PTPRD: variants seen among roughly 807,000 people sequenced by gnomAD.
PTPRD encodes the protein receptor-type tyrosine-protein phosphatase delta.
A neutral mutation model predicts 214.5 loss-of-function variants in PTPRD; 34 were observed. The observed-to-expected ratio is 0.16, with a 90% CI of 0.12 to 0.21. The LOEUF (loss-of-function observed/expected upper bound fraction) is 0.21, where lower values mean the gene tolerates loss of function less well. Ranked by LOEUF, PTPRD falls within the 10% of genes least tolerant of loss-of-function variation. The probability of loss-of-function intolerance (pLI) is 1.00; values close to 1 mark genes in which losing one functional copy is unlikely to be tolerated. For missense variants in PTPRD, 2,545 were observed against 2,398.7 expected (o/e 1.06, Z -1.27); for synonymous variants, 1,128 against 845.7 (o/e 1.33, Z -5.79).
chr9:8,738,363 T>A (rs1295733983), intron 11 of PTPRD, among the ~76,000 whole-genome samples: 2 of 149,296 alleles, frequency 1.3e-5, no homozygotes, highest in African/African-American at 5.2e-5. Context: ...GGATTTGTAC[T>A]ATTTTTTCAG....
intron 7 of PTPRD, among the ~76,000 whole-genome samples, chr9:9,708,766 T>C (rs1564672430): frequency 6.6e-6 from 1 of 152,046 alleles, no homozygotes; most frequent in African/African-American, 2.4e-5. Context: ...ACTTGCATAA[T>C]ACCTGGAGTT....
At chr9:9,923,444 A>C (rs1415354778) in intron 5 of PTPRD, among the ~76,000 whole-genome samples, 2 of 151,360 alleles carry the variant, frequency 1.3e-5, no homozygotes, top group Non-Finnish European at 2.9e-5. Flanking sequence ...TGATAAGACT[A>C]AATTATCAAT....
chr9:8,373,919 TACCTAC>T (rs1564369847), intron 39 of PTPRD, among the ~76,000 whole-genome samples: 11,491 of 115,892 alleles, frequency 0.099, 583 homozygotes, highest in African/African-American at 0.17. Flanking sequence ...TCTATCTACC[TACCTAC>T]CTATCTCAGT....
chr9:9,593,725 T>A (rs538808735), intron 7 of PTPRD, among the ~76,000 whole-genome samples: 1 of 151,974 alleles, frequency 6.6e-6, no homozygotes, highest in African/African-American at 2.4e-5. Context: ...AGGAACACAA[T>A]GAAGGTCACT....
intron 2 of PTPRD, among the ~76,000 whole-genome samples, chr9:10,492,348 A>AT (rs995085635): frequency 1.3e-5 from 2 of 151,698 alleles, no homozygotes; most frequent in Non-Finnish European, 2.9e-5. Flanking sequence ...AAGTGTTCCT[A>AT]TTTTTTCACA....
intron 8 of PTPRD, among the ~76,000 whole-genome samples, chr9:9,447,270 G>T (rs548910583): frequency 6.6e-6 from 1 of 152,138 alleles, no homozygotes; most frequent in Admixed American, 6.5e-5. Flanking sequence ...CAACCTAAAT[G>T]TCCAGCAATG....
chr9:8,402,935 A>G (rs1039549272), intron 36 of PTPRD, among the ~76,000 whole-genome samples: 2 of 152,148 alleles, frequency 1.3e-5, no homozygotes, highest in African/African-American at 4.8e-5. Context: ...AAGGGATTAT[A>G]GTATTTTCCA....
At chr9:8,731,334 A>G (rs1267254485) in intron 12 of PTPRD, among the ~76,000 whole-genome samples, 1 of 152,208 alleles carries the variant, frequency 6.6e-6, no homozygotes, top group South Asian at 2.1e-4. Context: ...GAGTTCTAAA[A>G]TGACTCTGAC....
At chr9:9,475,120 C>T in intron 8 of PTPRD, among the ~76,000 whole-genome samples, 1 of 152,302 alleles carries the variant, frequency 6.6e-6, no homozygotes, top group East Asian at 1.9e-4. Flanking sequence ...GGCAATGGTT[C>T]TCTTAACATA....
intron 9 of PTPRD, among the ~76,000 whole-genome samples, chr9:9,303,216 A>AT (rs1956067060): frequency 6.6e-6 from 1 of 151,988 alleles, no homozygotes; most frequent in Non-Finnish European, 1.5e-5. Flanking sequence ...CCATTATCCT[A>AT]TTTTTATACA....
intron 11 of PTPRD, among the ~76,000 whole-genome samples, chr9:8,744,872 G>A (rs1364480981): frequency 6.6e-6 from 1 of 152,296 alleles, no homozygotes; most frequent in South Asian, 2.1e-4. Context: ...ATCTCTCTAA[G>A]ATACTATTAA....
chr9:9,392,543 T>C (rs2066237708), intron 9 of PTPRD, among the ~76,000 whole-genome samples: 1 of 152,178 alleles, frequency 6.6e-6, no homozygotes, highest in Non-Finnish European at 1.5e-5. Flanking sequence ...GGATCCTATG[T>C]TAGGTCAAGA....
intron 3 of PTPRD, among the ~76,000 whole-genome samples, chr9:10,286,890 T>C (rs1333483280): frequency 6.6e-6 from 1 of 152,166 alleles, no homozygotes; most frequent in East Asian, 1.9e-4. Context: ...TAACCCACCG[T>C]GCACAGCCTA....
At chr9:9,684,209 T>C (rs2097128209) in intron 7 of PTPRD, among the ~76,000 whole-genome samples, 1 of 151,718 alleles carries the variant, frequency 6.6e-6, no homozygotes, top group Non-Finnish European at 1.5e-5. Flanking sequence ...CAAGGAATCA[T>C]GTTTTATTTC....
intron 35 of PTPRD, among the ~76,000 whole-genome samples, chr9:8,410,552 T>C (rs997728934): frequency 6.6e-6 from 1 of 152,124 alleles, no homozygotes; most frequent in South Asian, 2.1e-4. Context: ...GTGTGAAGGA[T>C]TGAAATAAAG....
intron 12 of PTPRD, chr9:8,713,347 G>C (rs1214465599): frequency 4.1e-6 from 4 of 972,796 alleles, no homozygotes; most frequent in Non-Finnish European, 4.8e-6. Flanking sequence ...GTACAAAGTA[G>C]TGGGTCGCCG....
At chr9:9,112,162 CCT>C (rs1405890734) in intron 10 of PTPRD, among the ~76,000 whole-genome samples, 1 of 152,178 alleles carries the variant, frequency 6.6e-6, no homozygotes, top group Non-Finnish European at 1.5e-5. Context: ...TGGCACTGAT[CCT>C]TTTTGGCATG....
At chr9:9,317,902 T>C (rs1181205299) in intron 9 of PTPRD, among the ~76,000 whole-genome samples, 2 of 152,144 alleles carry the variant, frequency 1.3e-5, no homozygotes, top group Non-Finnish European at 2.9e-5. Context: ...CCGGGTGCGG[T>C]GGCTCACGCC....
At chr9:8,963,439 C>T (rs1375581643) in intron 11 of PTPRD, among the ~76,000 whole-genome samples, 1 of 151,952 alleles carries the variant, frequency 6.6e-6, no homozygotes, top group Non-Finnish European at 1.5e-5. Context: ...TGTTATATTT[C>T]ACAGAAAAAA....
Sources: gnomAD v4.1 joint callset for allele counts (sites outside exome capture counted in the v4.1 genomes callset) on GRCh38, gnomAD v4.1.1 for gene constraint, MANE v1.5 for transcripts, NCBI Gene and HGNC (gene_info 2026-07-23, HGNC 2026-07-21) for gene names.